Variants in PDS5B observed in about 807,000 individuals in gnomAD.
The protein encoded by PDS5B is sister chromatid cohesion protein PDS5 homolog B.
A neutral mutation model predicts 184.1 loss-of-function variants in PDS5B; 51 were observed. That is an observed-to-expected ratio of 0.28 (90% CI 0.22 to 0.35). PDS5B has a LOEUF of 0.35. PDS5B is among the 10% of genes least tolerant of loss of function. The probability of loss-of-function intolerance (pLI) is 1.00; values close to 1 mark genes in which losing one functional copy is unlikely to be tolerated. For missense variants in PDS5B, 1,180 were observed against 1,723.3 expected (o/e 0.68, Z 5.58); for synonymous variants, 566 against 569.2 (o/e 0.99, Z 0.08).
chr13:32,718,201 A>G (rs1048717935), intron 19 of PDS5B, among the ~76,000 whole-genome samples: 13 of 150,660 alleles, frequency 8.6e-5, no homozygotes, highest in African/African-American at 3.2e-4. Context: ...CCCAGGCTGG[A>G]GGGCAGTGGC....
At chr13:32,617,310 T>C (rs1479418726) in intron 1 of PDS5B, among the ~76,000 whole-genome samples, 1 of 152,230 alleles carries the variant, frequency 6.6e-6, no homozygotes, top group East Asian at 1.9e-4. Context: ...CTAAATTTTA[T>C]TGTAGTTACA....
intron 19 of PDS5B, among the ~76,000 whole-genome samples, chr13:32,726,317 G>A (rs1039124521): frequency 3.9e-5 from 6 of 152,112 alleles, no homozygotes; most frequent in Admixed American, 3.3e-4. Context: ...CCCATTTATT[G>A]TGTGGCTGTA....
intron 19 of PDS5B, among the ~76,000 whole-genome samples, chr13:32,724,700 C>T (rs1477775614): frequency 6.6e-6 from 1 of 152,122 alleles, no homozygotes; most frequent in African/African-American, 2.4e-5. Context: ...CCCACCTAGC[C>T]TCCTAAGTAG....
intron 1 of PDS5B, among the ~76,000 whole-genome samples, chr13:32,633,672 A>G (rs939410276): frequency 1.3e-5 from 2 of 152,200 alleles, no homozygotes; most frequent in African/African-American, 4.8e-5. Flanking sequence ...ATCAAATTAA[A>G]CTTTTTGGTG....
intron 6 of PDS5B, among the ~76,000 whole-genome samples, chr13:32,663,092 C>T (rs1950692011): frequency 6.6e-6 from 1 of 152,034 alleles, no homozygotes; most frequent in South Asian, 2.1e-4. Context: ...TAAAACAAAA[C>T]TCTTCTTTTC....
chr13:32,616,077 G>T (rs546148504), intron 1 of PDS5B, among the ~76,000 whole-genome samples: 9 of 151,112 alleles, frequency 6.0e-5, no homozygotes, highest in African/African-American at 2.2e-4. Flanking sequence ...TTTTGAGATG[G>T]AATTTTGCTC....
chr13:32,631,251 G>A (rs751019161), intron 1 of PDS5B, among the ~76,000 whole-genome samples: 42 of 148,732 alleles, frequency 2.8e-4, no homozygotes, highest in Non-Finnish European at 4.6e-4. Context: ...CAGTTAGTTG[G>A]GACTAATTTT....
intron 3 of PDS5B, among the ~76,000 whole-genome samples, chr13:32,655,374 A>ATATATATATATTTTTTTTTT: frequency 1.1e-4 from 8 of 72,464 alleles, no homozygotes; most frequent in African/African-American, 5.0e-4. Flanking sequence ...ATATATATAT[A>ATATATATATATTTTTTTTTT]TTTTTTTTTT....
intron 1 of PDS5B, among the ~76,000 whole-genome samples, chr13:32,637,404 A>G (rs1017149501): frequency 5.9e-5 from 9 of 152,194 alleles, no homozygotes; most frequent in African/African-American, 2.2e-4. Context: ...GGAATGAAGA[A>G]TGAGGATTTT....
At chr13:32,748,189 A>T (rs557866193) in intron 24 of PDS5B, among the ~76,000 whole-genome samples, 1 of 152,206 alleles carries the variant, frequency 6.6e-6, no homozygotes, top group Non-Finnish European at 1.5e-5. Flanking sequence ...CCTTTAAATC[A>T]TATGCTCATC....
At chr13:32,610,922 A>G (rs1434120667) in intron 1 of PDS5B, among the ~76,000 whole-genome samples, 1 of 152,050 alleles carries the variant, frequency 6.6e-6, no homozygotes, top group Non-Finnish European at 1.5e-5. Context: ...CTTTAGTTCA[A>G]ACCTTTTAAA....
At chr13:32,602,141 G>A (rs548882548) in intron 1 of PDS5B, among the ~76,000 whole-genome samples, 16 of 151,728 alleles carry the variant, frequency 1.1e-4, no homozygotes, top group East Asian at 5.8e-4. Flanking sequence ...TGTGCACAGC[G>A]TGCAGGTTTG....
intron 1 of PDS5B, among the ~76,000 whole-genome samples, chr13:32,616,117 G>T (rs937986214): frequency 3.3e-5 from 5 of 151,388 alleles, no homozygotes; most frequent in Admixed American, 1.3e-4. Flanking sequence ...GCAATGGCGC[G>T]ATCTTGGCTC....
chr13:32,760,176 C>G (rs527963021), intron 29 of PDS5B, among the ~76,000 whole-genome samples: 1 of 152,116 alleles, frequency 6.6e-6, no homozygotes. Context: ...AGGATGGTCT[C>G]GATCTCCTGA....
intron 19 of PDS5B, among the ~76,000 whole-genome samples, chr13:32,728,991 C>T (rs760633515): frequency 1.3e-5 from 2 of 152,076 alleles, no homozygotes; most frequent in African/African-American, 2.4e-5. Flanking sequence ...AGGTTTGTTA[C>T]ATAGGTATAC....
Position 32,723,560 on chromosome 13 carries a change from A to G in PDS5B, c.2124-8541A>G, listed in dbSNP as rs866806552. ...TTCTTAAAATTTTTTCTTTATGTTC[A>G]TTGTTTCAGTTTGTTTTCTTTTAAA... On this transcript the variant is annotated intron_variant, in intron 19 of 34. Coordinates refer to ENST00000315596, the MANE Select transcript of PDS5B (RefSeq NM_015032.4). 2.0e-5 allele frequency among the ~76,000 whole-genome samples: 3 copies of G among 152,194 alleles called. No homozygotes were observed. The South Asian group carries it at 6.2e-4, about 32-fold the overall frequency.
chr13:32,648,252 C>G (rs1566281883), intron 1 of PDS5B, among the ~76,000 whole-genome samples: 1 of 152,114 alleles, frequency 6.6e-6, no homozygotes, highest in Admixed American at 6.5e-5. Flanking sequence ...GGAGAGTTTC[C>G]TATTTGACTG....
chr13:32,712,949 G>A (rs1210137794), intron 19 of PDS5B, among the ~76,000 whole-genome samples: 3 of 152,224 alleles, frequency 2.0e-5, no homozygotes, highest in African/African-American at 7.2e-5. Flanking sequence ...GATGAGTTAT[G>A]GGGTTCCATA....
In PDS5B at chr13:32,775,072, TTC is replaced by T; in HGVS notation, c.*24_*25del. On this transcript the variant is annotated 3_prime_UTR_variant, in exon 35 of 35. Transcript: ENST00000315596. ...CGATGAACAAATGTAATTAATAACTTTCTCTGTGAAAGCTTTGGAAAAATCTT... is the reference window on the plus strand; with the variant it reads ...CGATGAACAAATGTAATTAATAACTTTCTGTGAAAGCTTTGGAAAAATCTT... 6.4e-7 allele frequency: 1 copy of T among 1,562,078 alleles called. No homozygotes were observed. The highest frequency in any genetic ancestry group is 8.8e-7 in the Non-Finnish European group (1 of 1,136,262).
Sources: gnomAD v4.1 joint callset for allele counts (sites outside exome capture counted in the v4.1 genomes callset) on GRCh38, gnomAD v4.1.1 for gene constraint, MANE v1.5 for transcripts, NCBI Gene and HGNC (gene_info 2026-07-23, HGNC 2026-07-21) for gene names.